The following FANCL variants were observed in gnomAD, a reference collection of about 807,000 sequenced individuals.
The protein encoded by FANCL is E3 ubiquitin-protein ligase FANCL.
Under a neutral mutation model 59.4 loss-of-function variants are expected in FANCL, and 69 were observed. That is an observed-to-expected ratio of 1.16 (90% CI 0.96 to 1.42). The LOEUF is 1.42. Ranked by LOEUF, FANCL falls within the 40% of genes most tolerant of loss-of-function variation. The pLI is 0.00. For synonymous variants in FANCL, 180 were observed against 147.1 expected (o/e 1.22, Z -1.62); for missense variants, 519 against 447.2 (o/e 1.16, Z -1.45).
chr2:58,179,520 C>G (rs572738548), intron 7 of FANCL, among the ~76,000 whole-genome samples: 1 of 152,164 alleles, frequency 6.6e-6, no homozygotes, highest in Non-Finnish European at 1.5e-5. Context: ...GTTGGGAAAA[C>G]TGGCTAGCCA....
At position 58,229,707 on chromosome 2, in the gene FANCL, A is replaced by G. The variant is rs1693387113; in HGVS notation, c.216+107T>C. On this transcript the variant is annotated intron_variant, in intron 3 of 13. Transcript: ENST00000233741. ...ATGAAACCTACAAAACTTAACAACT[A>G]TTAAACCAGTTTGTTACAACATTGT... The G allele has an allele frequency of 9.4e-6, 8 of 849,494 alleles. No homozygotes were observed. In the East Asian group the frequency reaches 2.1e-4, roughly 22 times the overall value. The allele number at this position is 849,494 out of a possible 1,614,324, so 52.6% of individuals were successfully genotyped here.
At chr2:58,230,288 A>G (rs180742448) in intron 2 of FANCL, among the ~76,000 whole-genome samples, 14 of 152,260 alleles carry the variant, frequency 9.2e-5, no homozygotes, top group Admixed American at 8.5e-4. Context: ...TAATATAACT[A>G]AAAGGATACA....
chr2:58,187,563 A>G (rs1688528765), intron 7 of FANCL, among the ~76,000 whole-genome samples: 1 of 151,642 alleles, frequency 6.6e-6, no homozygotes, highest in Non-Finnish European at 1.5e-5. Context: ...CTTAAAGTAT[A>G]ATAATAAAAA....
At chr2:58,195,857 C>T (rs1011314) in intron 7 of FANCL, among the ~76,000 whole-genome samples, 68,745 of 151,836 alleles carry the variant, frequency 0.45, 19,755 homozygotes, top group African/African-American at 0.83. Context: ...TTTGTCAATA[C>T]TGCGTAACCC....
chr2:58,159,563 GT>G lies in FANCL; in HGVS notation c.*201del, dbSNP rs1482141396. ...AGCACGGGGATCACAGACTTAGAAA[GT>G]TCAACTGGACTTTGGCCTACAATTT... On this transcript the variant is annotated 3_prime_UTR_variant, in exon 14 of 14. Coordinates refer to ENST00000233741, the MANE Select transcript of FANCL (RefSeq NM_018062.4). 6.2e-7 allele frequency: 1 copy of G among 1,613,802 alleles called. No individual in the cohort carries two copies.
chr2:58,237,547 C>G (rs1384012041), intron 1 of FANCL, among the ~76,000 whole-genome samples: 2 of 151,714 alleles, frequency 1.3e-5, no homozygotes, highest in Non-Finnish European at 2.9e-5. Flanking sequence ...CTAAAGAAAT[C>G]AGGAAACTTA....
intron 7 of FANCL, among the ~76,000 whole-genome samples, chr2:58,184,007 G>A (rs986215640): frequency 5.9e-5 from 9 of 151,892 alleles, no homozygotes; most frequent in African/African-American, 2.2e-4. Context: ...TAACTTCTAA[G>A]GTGACTTCCA....
At chr2:58,183,836 A>G (rs1405662219) in intron 7 of FANCL, among the ~76,000 whole-genome samples, 1 of 151,988 alleles carries the variant, frequency 6.6e-6, no homozygotes, top group Non-Finnish European at 1.5e-5. Flanking sequence ...GTACAGGACT[A>G]CGTTGGCTTC....
intron 1 of FANCL, among the ~76,000 whole-genome samples, 190 bp downstream of exon 1, chr2:58,241,028 G>A (rs956751717): frequency 4.6e-5 from 7 of 152,112 alleles, no homozygotes; most frequent in Admixed American, 2.0e-4. Flanking sequence ...TCCCCATCCA[G>A]CGCGGCGACC....
At chr2:58,189,614 G>T (rs74749607) in intron 7 of FANCL, among the ~76,000 whole-genome samples, 1 of 152,048 alleles carries the variant, frequency 6.6e-6, no homozygotes, top group South Asian at 2.1e-4. Flanking sequence ...CACTTAAGCA[G>T]GAAAGTATGA....
chr2:58,200,261 G>C (rs1682837510), intron 6 of FANCL, among the ~76,000 whole-genome samples: 1 of 152,024 alleles, frequency 6.6e-6, no homozygotes, highest in African/African-American at 2.4e-5. Flanking sequence ...TTATCTCAAA[G>C]TAAATGTAGA....
intron 7 of FANCL, among the ~76,000 whole-genome samples, chr2:58,169,868 G>A (rs1686376750): frequency 6.6e-6 from 1 of 151,990 alleles, no homozygotes; most frequent in Admixed American, 6.6e-5. Flanking sequence ...AGAATGAGAA[G>A]GAATGAACAA....
intron 13 of FANCL, 60 bp downstream of exon 13, chr2:58,160,035 ATAGATCTATCTTC>A (rs1423194205): frequency 6.2e-7 from 1 of 1,602,760 alleles, no homozygotes; most frequent in Non-Finnish European, 8.5e-7. Flanking sequence ...GATATACTAT[ATAGATCTATCTTC>A]TAGAACATAT....
chr2:58,225,455 A>C (rs1478441346), intron 4 of FANCL, among the ~76,000 whole-genome samples: 4 of 152,020 alleles, frequency 2.6e-5, no homozygotes, highest in African/African-American at 9.6e-5. Flanking sequence ...GTAAATCCTA[A>C]TGAAACATTA....
intron 7 of FANCL, among the ~76,000 whole-genome samples, chr2:58,173,105 C>T (rs188077775): frequency 2.0e-5 from 3 of 152,152 alleles, no homozygotes; most frequent in East Asian, 1.9e-4. Flanking sequence ...TAACAAGAAA[C>T]GAACAAAGCC....
At chr2:58,232,799 T>C (rs188783895) in intron 1 of FANCL, among the ~76,000 whole-genome samples, 7 of 152,176 alleles carry the variant, frequency 4.6e-5, no homozygotes, top group African/African-American at 7.2e-5. Flanking sequence ...AATGGGTAAG[T>C]AGTTTAAACT....
At chr2:58,194,845 C>T (rs1049255466) in intron 7 of FANCL, among the ~76,000 whole-genome samples, 2 of 151,608 alleles carry the variant, frequency 1.3e-5, no homozygotes, top group Non-Finnish European at 2.9e-5. Context: ...AAAACATTAT[C>T]AACCCAGCAG....
chr2:58,159,941 C>T, intron 13 of FANCL, 141 bp from the exon 14 acceptor site: 3 of 1,526,138 alleles, frequency 2.0e-6, no homozygotes, highest in Non-Finnish European at 2.6e-6. Flanking sequence ...CCTAGGAAAT[C>T]TAGAAAAGGA....
At position 58,231,150 on chromosome 2, in the gene FANCL, T is replaced by C. The variant is rs1371093646; in HGVS notation, c.155+904A>G. Reference sequence around the variant, plus strand: ...CTTAGTCTCCTTGTAAGTTCCTCTTTAGTGACCAGTCCTTTAAATGTTGGT... The same window carrying C: ...CTTAGTCTCCTTGTAAGTTCCTCTTCAGTGACCAGTCCTTTAAATGTTGGT... On this transcript the variant is annotated intron_variant, in intron 2 of 13. Coordinates refer to ENST00000233741, the MANE Select transcript of FANCL (RefSeq NM_018062.4). Among the ~76,000 whole-genome samples, 3 of 152,194 alleles carry C rather than the reference T, an allele frequency of 2.0e-5. No individual in the cohort carries two copies. In the East Asian group the frequency reaches 5.8e-4, roughly 29 times the overall value.
Sources: allele counts gnomAD v4.1 joint callset (sites outside exome capture counted in the v4.1 genomes callset), GRCh38; gene constraint gnomAD v4.1.1; transcripts MANE v1.5; gene names NCBI Gene and HGNC (gene_info 2026-07-23, HGNC 2026-07-21).